Variants in TANGO6 observed in about 807,000 individuals in gnomAD.
The protein encoded by TANGO6 is transport and golgi organization 6 homolog.
TANGO6 carries 90 observed loss-of-function variants against 114.2 expected under a neutral mutation model. The ratio of observed to expected loss-of-function variants is 0.79; its 90% CI spans 0.66 to 0.94. The LOEUF (loss-of-function observed/expected upper bound fraction) is 0.94, where lower values mean the gene tolerates loss of function less well. TANGO6 is among the 40% of genes least tolerant of loss of function. The probability of loss-of-function intolerance (pLI) is 0.00; values close to 1 mark genes in which losing one functional copy is unlikely to be tolerated. For missense variants in TANGO6, 1,274 were observed against 1,315.3 expected, an observed-to-expected ratio of 0.97 and a Z score of 0.49; for synonymous variants, 477 against 509.8, an observed-to-expected ratio of 0.94 and a Z score of 0.87.
chr16:68,847,102 C>T (rs1388607474), intron 1 of TANGO6, among the ~76,000 whole-genome samples: 1 of 151,884 alleles, frequency 6.6e-6, no homozygotes, highest in Non-Finnish European at 1.5e-5. Context: ...GTTGGTCAGG[C>T]TGGTCTCGAA....
At chr16:69,026,228 T>C (rs1037685288) in intron 16 of TANGO6, 1 of 152,102 alleles carries the variant, frequency 6.6e-6, no homozygotes, top group Non-Finnish European at 1.5e-5. Flanking sequence ...TCTAAACTCC[T>C]AACCTCAAGT....
chr16:68,960,542 A>T (rs1259615655), intron 14 of TANGO6, among the ~76,000 whole-genome samples: 4 of 151,974 alleles, frequency 2.6e-5, no homozygotes, highest in African/African-American at 9.7e-5. Context: ...TCGCTCTGTC[A>T]CCCAGGCTGG....
chr16:68,998,341 G>A (rs1013702366), intron 15 of TANGO6, among the ~76,000 whole-genome samples: 4 of 152,174 alleles, frequency 2.6e-5, no homozygotes, highest in Admixed American at 6.5e-5. Context: ...AACAATGGAT[G>A]TGATTAGAAC....
At chr16:68,848,142 C>A (rs1040261493) in intron 1 of TANGO6, among the ~76,000 whole-genome samples, 2 of 151,960 alleles carry the variant, frequency 1.3e-5, no homozygotes, top group African/African-American at 4.8e-5. Flanking sequence ...GTTGCCCAGC[C>A]GGGAGTACAG....
intron 14 of TANGO6, among the ~76,000 whole-genome samples, chr16:68,962,957 G>C (rs1963608363): frequency 6.6e-6 from 1 of 151,172 alleles, no homozygotes; most frequent in Non-Finnish European, 1.5e-5. Context: ...AGCCTGGCAT[G>C]GTGGCGGGCG....
chr16:69,063,282 T>C (rs569131211), intron 17 of TANGO6, among the ~76,000 whole-genome samples: 4 of 148,846 alleles, frequency 2.7e-5, no homozygotes, highest in Admixed American at 6.7e-5. Flanking sequence ...TCCCAGCACA[T>C]TGGGAGGCCA....
chr16:68,999,034 C>A (rs993912406), intron 15 of TANGO6, among the ~76,000 whole-genome samples: 10 of 151,828 alleles, frequency 6.6e-5, no homozygotes, highest in Non-Finnish European at 1.3e-4. Flanking sequence ...AGGTGTGCAC[C>A]ACCACACCTG....
chr16:68,872,733 A>G (rs894907620), intron 4 of TANGO6, among the ~76,000 whole-genome samples: 2 of 149,942 alleles, frequency 1.3e-5, no homozygotes, highest in Admixed American at 6.7e-5. Context: ...GCTCACTGCA[A>G]CTTCCCAGGC....
chr16:69,071,403 C>T (rs1343658486), intron 17 of TANGO6, among the ~76,000 whole-genome samples: 2 of 152,152 alleles, frequency 1.3e-5, no homozygotes, highest in Admixed American at 6.5e-5. Flanking sequence ...GCTAGATCAC[C>T]GTGTCCAGAG....
intron 17 of TANGO6, among the ~76,000 whole-genome samples, chr16:69,065,465 T>G (rs1167443866): frequency 1.3e-5 from 2 of 152,112 alleles, no homozygotes; most frequent in Non-Finnish European, 2.9e-5. Flanking sequence ...GTTAAATATT[T>G]CTCCCTTTTT....
At chr16:68,889,074 T>C (rs1962577739) in intron 7 of TANGO6, among the ~76,000 whole-genome samples, 2 of 152,242 alleles carry the variant, frequency 1.3e-5, no homozygotes, top group South Asian at 2.1e-4. Context: ...TCCACCCGCC[T>C]CAGCCTCCCA....
At chr16:68,896,089 T>A (rs1306487040) in intron 7 of TANGO6, among the ~76,000 whole-genome samples, 1 of 150,056 alleles carries the variant, frequency 6.7e-6, no homozygotes, top group Non-Finnish European at 1.5e-5. Flanking sequence ...CTGCAACTTC[T>A]ACCTCCTGGG....
At chr16:69,040,663 G>A (rs1433404962) in intron 17 of TANGO6, among the ~76,000 whole-genome samples, 3 of 152,138 alleles carry the variant, frequency 2.0e-5, no homozygotes, top group African/African-American at 7.2e-5. Flanking sequence ...CAAGGTTGTA[G>A]ATTGAGGCCC....
At chr16:68,951,761 C>T (rs146190362) in intron 14 of TANGO6, among the ~76,000 whole-genome samples, 234 of 152,116 alleles carry the variant, frequency 1.5e-3, no homozygotes, top group African/African-American at 5.0e-3. Context: ...TACAGGCACC[C>T]GCCACCACGC....
chr16:68,996,891 A>G (rs781416613), intron 15 of TANGO6, among the ~76,000 whole-genome samples: 3 of 152,234 alleles, frequency 2.0e-5, no homozygotes, highest in Non-Finnish European at 4.4e-5. Flanking sequence ...TGGAGCCTGG[A>G]AAGAAGATTA....
At position 68,878,210 on chromosome 16, in the gene TANGO6, C is replaced by G; in HGVS notation, c.1224C>G (p.Arg408=). The change falls in exon 6 of 18, where the codon CGC becomes CGG. Residue 408 remains arginine, a synonymous_variant. Transcript: ENST00000261778. ...CCTTTATAACTTTGTCAAGAGAACG[C>G]CCACATTTGGCAGCAAAGTATTTGC... is the stretch of plus-strand genomic sequence containing the variant. ...TTTFITLSRE[R]PHLAAKYLLQ... is the part of the protein sequence containing the mutation. 6.2e-7 allele frequency: 1 copy of G among 1,613,298 alleles called. No homozygotes were observed. Among genetic ancestry groups the G allele is most frequent in the African/African-American group, 1.3e-5 (1 of 75,028 alleles).
At chr16:69,052,480 A>C (rs995718798) in intron 17 of TANGO6, among the ~76,000 whole-genome samples, 1 of 151,662 alleles carries the variant, frequency 6.6e-6, no homozygotes, top group African/African-American at 2.4e-5. Flanking sequence ...TGTTGCCCAG[A>C]CTGGTCAAGA....
At chr16:68,888,029 G>T (rs560753234) in intron 7 of TANGO6, among the ~76,000 whole-genome samples, 1 of 152,164 alleles carries the variant, frequency 6.6e-6, no homozygotes, top group Non-Finnish European at 1.5e-5. Context: ...TGATGGCTCT[G>T]GGGGGCCAGG....
intron 5 of TANGO6, among the ~76,000 whole-genome samples, chr16:68,875,937 G>A (rs1314870269): frequency 2.0e-5 from 3 of 152,050 alleles, no homozygotes; most frequent in Admixed American, 6.6e-5. Flanking sequence ...AATTAACATG[G>A]CAAACAATTT....
Sources: allele counts gnomAD v4.1 joint callset (sites outside exome capture counted in the v4.1 genomes callset), GRCh38; gene constraint gnomAD v4.1.1; transcripts MANE v1.5; gene names NCBI Gene and HGNC (gene_info 2026-07-23, HGNC 2026-07-21).